CSF1R: variants seen among roughly 807,000 people sequenced by gnomAD.
CSF1R encodes macrophage colony-stimulating factor 1 receptor.
In CSF1R, 40 loss-of-function variants were observed where a neutral mutation model predicts 110.0. That is an observed-to-expected ratio of 0.36 (90% CI 0.28 to 0.47). The LOEUF (loss-of-function observed/expected upper bound fraction) is 0.47, where lower values mean the gene tolerates loss of function less well. Among genes scored for constraint, CSF1R ranks in the 20% least tolerant of loss-of-function variants. CSF1R has a pLI of 0.99. For synonymous variants in CSF1R, 523 were observed against 503.4 expected, an observed-to-expected ratio of 1.04 and a Z score of -0.52; for missense variants, 1,052 against 1,253.0, an observed-to-expected ratio of 0.84 and a Z score of 2.42.
At chr5:150,105,374 ATATATATATATTTTTT>A (rs1315689179) in intron 1 of CSF1R, among the ~76,000 whole-genome samples, 6 of 93,146 alleles carry the variant, frequency 6.4e-5, no homozygotes, top group Admixed American at 1.3e-4. Context: ...ATATATATAT[ATATATATATATTTTTT>A]TTTTTTTAAT....
At chr5:150,066,742 G>A (rs1253513204) in intron 10 of CSF1R, among the ~76,000 whole-genome samples, 1 of 152,120 alleles carries the variant, frequency 6.6e-6, no homozygotes, top group Non-Finnish European at 1.5e-5. Flanking sequence ...GGGGGTGTGG[G>A]GAAGAAAAGG....
intron 5 of CSF1R, chr5:150,076,884 T>C (rs948157474): frequency 3.7e-6 from 1 of 272,006 alleles, no homozygotes; most frequent in African/African-American, 2.2e-5. Context: ...GGGGGGACTC[T>C]TCAGTGTTCC....
rs758434386 is a variant in CSF1R, at chr5:150,070,019, G to A, written c.1364C>T (p.Pro455Leu). ...QVLQVWDDPYPEVLSQEPFHK... is the reference protein window; with the variant it reads ...QVLQVWDDPYLEVLSQEPFHK... ...GAAGGGCTCCTGGCTCAGGACCTCA[G>A]GGTATGGGTCATCCCAGACCTGCAG... Residue 455 changes from proline to leucine, a missense_variant, in exon 9 of 21, where the codon CCT (proline) becomes CTT (leucine). Physicochemically the swap from Pro to Leu is moderately conservative, Grantham distance 98. Transcript: ENST00000675795. 6.2e-7 allele frequency: 1 copy of A among 1,614,144 alleles called. No homozygotes were observed. The highest frequency in any genetic ancestry group is 8.5e-7 in the Non-Finnish European group (1 of 1,179,988).
At chr5:150,064,496 G>A (rs1015802675) in intron 10 of CSF1R, among the ~76,000 whole-genome samples, 3 of 152,160 alleles carry the variant, frequency 2.0e-5, no homozygotes, top group Admixed American at 6.5e-5. Context: ...AGTCTGAAAC[G>A]GGACCCAGGG....
In CSF1R at chr5:150,061,830, C is replaced by T. The variant is rs573212436; in HGVS notation, c.1646G>A (p.Arg549His). Residue 549 changes from arginine to histidine, a missense_variant, in exon 11 of 21, where the codon CGC becomes CAC. By Grantham distance (29) the Arg-to-His change is conservative. Coordinates refer to ENST00000675795, the MANE Select transcript of CSF1R (RefSeq NM_001288705.3). Reference sequence around the variant, plus strand: ...CTCATAGCTCTCGATGATCTTCCAGCGGACCTGGTACTTGGGCTTCTGCAG... The same window carrying T: ...CTCATAGCTCTCGATGATCTTCCAGTGGACCTGGTACTTGGGCTTCTGCAG... Reference protein sequence around the residue: ...KYKQKPKYQVRWKIIESYEGN... With the variant: ...KYKQKPKYQVHWKIIESYEGN... The T allele has an allele frequency of 2.2e-5, 36 of 1,614,020 alleles. No individual in the cohort carries two copies. The South Asian group carries it at 3.5e-4, about 16-fold the overall frequency.
At chr5:150,093,857 A>G (rs1759123588) in intron 1 of CSF1R, among the ~76,000 whole-genome samples, 1 of 152,176 alleles carries the variant, frequency 6.6e-6, no homozygotes, top group African/African-American at 2.4e-5. Flanking sequence ...TGAGGTCAGG[A>G]GTTCGAGACT....
rs956200686 is a variant in CSF1R, at chr5:150,053,377, T to G, written c.*692A>C. The G allele has an allele frequency of 2.1e-5, 5 of 234,048 alleles. No individual in the cohort carries two copies. The South Asian group carries it at 9.0e-4, about 42-fold the overall frequency. 14.5% of individuals were successfully genotyped at this position (234,048 alleles called of 1,614,324 possible). Reference sequence around the variant, plus strand: ...TAGGATGAGTCAGCTTGGGGGAGTTTGTGCTTCCTGCTTGGTGTGGCCAGC... The same window carrying G: ...TAGGATGAGTCAGCTTGGGGGAGTTGGTGCTTCCTGCTTGGTGTGGCCAGC... On this transcript the variant is annotated 3_prime_UTR_variant, in exon 21 of 21. Transcript: ENST00000675795.
intron 5 of CSF1R, among the ~76,000 whole-genome samples, chr5:150,075,338 C>T (rs759118493): frequency 1.1e-4 from 16 of 152,210 alleles, no homozygotes; most frequent in South Asian, 2.1e-4. Flanking sequence ...TGGACCACTG[C>T]GGTAGCCTCC....
At chr5:150,061,317 G>A (rs896861836) in intron 12 of CSF1R, among the ~76,000 whole-genome samples, 174 bp downstream of exon 12, 23 of 152,254 alleles carry the variant, frequency 1.5e-4, no homozygotes, top group Non-Finnish European at 2.5e-4. Context: ...TCTTGGAGCC[G>A]GGAGTCAGAG....
At chr5:150,084,192 C>G (rs1758693825) in intron 1 of CSF1R, among the ~76,000 whole-genome samples, 1 of 151,732 alleles carries the variant, frequency 6.6e-6, no homozygotes, top group Non-Finnish European at 1.5e-5. Flanking sequence ...AAAAAATTAG[C>G]TGGGTGTGGT....
intron 1 of CSF1R, among the ~76,000 whole-genome samples, chr5:150,095,201 T>C (rs1397312479): frequency 6.6e-6 from 1 of 151,696 alleles, no homozygotes; most frequent in Non-Finnish European, 1.5e-5. Context: ...AAATCTCTTG[T>C]AACACCCTTC....
At chr5:150,058,814 T>C (rs4705412) in intron 14 of CSF1R, among the ~76,000 whole-genome samples, 20,874 of 151,898 alleles carry the variant, frequency 0.14, 1,682 homozygotes, top group Admixed American at 0.27. Context: ...GATCCTGTCC[T>C]GACCCCACAA....
upstream of CSF1R, among the ~76,000 whole-genome samples, chr5:150,090,086 C>A (rs1758990274): frequency 6.6e-6 from 1 of 152,020 alleles, no homozygotes; most frequent in African/African-American, 2.4e-5. Flanking sequence ...TAAAAGAAAC[C>A]ATAAAGGTAA....
chr5:150,098,981 C>T (rs984494919), intron 1 of CSF1R, among the ~76,000 whole-genome samples: 1 of 150,760 alleles, frequency 6.6e-6, no homozygotes, highest in Non-Finnish European at 1.5e-5. Flanking sequence ...GCAACCTCCA[C>T]CTCCCAGGTT....
chr5:150,055,639 G>T (rs972506877), intron 18 of CSF1R, among the ~76,000 whole-genome samples: 2 of 152,242 alleles, frequency 1.3e-5, no homozygotes, highest in Admixed American at 1.3e-4. Flanking sequence ...GGGTATAGGA[G>T]CAGCGTATTT....
intron 6 of CSF1R, among the ~76,000 whole-genome samples, chr5:150,072,442 C>T (rs1372471327): frequency 5.9e-5 from 9 of 151,710 alleles, no homozygotes; most frequent in African/African-American, 2.2e-4. Flanking sequence ...TGCAGTGAGC[C>T]GAGATTGTGC....
At chr5:150,071,490 C>T (rs1010687027) in intron 6 of CSF1R, among the ~76,000 whole-genome samples, 10 of 152,206 alleles carry the variant, frequency 6.6e-5, no homozygotes, top group African/African-American at 1.9e-4. Flanking sequence ...GCAGTCTCAT[C>T]CAGCCAGACC....
At chr5:150,065,099 T>C (rs2113798602) in intron 10 of CSF1R, among the ~76,000 whole-genome samples, 1 of 152,266 alleles carries the variant, frequency 6.6e-6, no homozygotes, top group East Asian at 1.9e-4. Flanking sequence ...CCCCATTCAT[T>C]CCTTGCAATG....
At chr5:150,056,423 C>T in intron 16 of CSF1R, 82 bp from the exon 17 acceptor site, 1 of 1,565,948 alleles carries the variant, frequency 6.4e-7, no homozygotes. Context: ...GAGGGCCCCA[C>T]ATGGCTTTGG....
Sources: gnomAD v4.1 joint callset for allele counts (sites outside exome capture counted in the v4.1 genomes callset) on GRCh38, gnomAD v4.1.1 for gene constraint, MANE v1.5 for transcripts, NCBI Gene and HGNC (gene_info 2026-07-23, HGNC 2026-07-21) for gene names.